FANCB: variants seen among roughly 807,000 people sequenced by gnomAD.
The protein encoded by FANCB is Fanconi anemia group B protein.
FANCB carries 5 observed loss-of-function variants against 38.9 expected under a neutral mutation model. That is an observed-to-expected ratio of 0.13 (90% CI 0.07 to 0.27). The LOEUF is 0.27. Among genes scored for constraint, FANCB ranks in the 10% least tolerant of loss-of-function variants. The pLI is 1.00. For synonymous variants in FANCB, 236 were observed against 215.4 expected (o/e 1.10, Z -0.84); for missense variants, 573 against 602.7 (o/e 0.95, Z 0.52).
chrX:14,690,370 A>G, the FANCB span, among the ~76,000 whole-genome samples: 3 of 111,720 alleles, frequency 2.7e-5, no homozygotes, highest in African/African-American at 9.8e-5. Context: ...GAATGTCTAA[A>G]TTGAGCTACT....
the FANCB span, among the ~76,000 whole-genome samples, chrX:14,804,514 T>C: frequency 9.0e-6 from 1 of 111,018 alleles, no homozygotes; most frequent in African/African-American, 3.3e-5. Flanking sequence ...GGGATAGCAT[T>C]TGGAGATATA....
the FANCB span, among the ~76,000 whole-genome samples, chrX:14,747,748 G>T: frequency 8.9e-6 from 1 of 112,033 alleles, no homozygotes; most frequent in Non-Finnish European, 1.9e-5. Flanking sequence ...ATTTCGGTTG[G>T]TTTGGTACCA....
At chrX:14,739,569 T>C in the FANCB span, among the ~76,000 whole-genome samples, 1 of 112,319 alleles carries the variant, frequency 8.9e-6, no homozygotes, top group African/African-American at 3.2e-5. Flanking sequence ...TTGAAAATGC[T>C]TAAGAGAAAT....
At chrX:14,853,510 C>G (rs979833101) in intron 5 of FANCB, among the ~76,000 whole-genome samples, 3 of 111,842 alleles carry the variant, frequency 2.7e-5, no homozygotes, top group Non-Finnish European at 3.8e-5. Context: ...ACTCACCCCA[C>G]ACAAAATAAC....
At chrX:14,840,415 G>C (rs977007004), downstream of FANCB, among the ~76,000 whole-genome samples, 13 of 111,221 alleles carry the variant, frequency 1.2e-4, no homozygotes, top group African/African-American at 4.3e-4. Flanking sequence ...GTCCACCCCA[G>C]ACCAATAACA....
At chrX:14,694,230 T>C in the FANCB span, among the ~76,000 whole-genome samples, 133 of 111,971 alleles carry the variant, frequency 1.2e-3, no homozygotes, top group Middle Eastern at 4.7e-3. Flanking sequence ...TATAGATTAC[T>C]TGAAAATTTA....
At chrX:14,718,366 T>G in the FANCB span, among the ~76,000 whole-genome samples, 2 of 112,262 alleles carry the variant, frequency 1.8e-5, no homozygotes, top group Non-Finnish European at 3.8e-5. Context: ...TTATCTTACT[T>G]TATGGCAGGA....
At chrX:14,862,887 C>T (rs1391468960) in intron 3 of FANCB, among the ~76,000 whole-genome samples, 2 of 111,763 alleles carry the variant, frequency 1.8e-5, no homozygotes, top group Admixed American at 1.9e-4. Flanking sequence ...TATTATATTA[C>T]CTTGACTACA....
At chrX:14,798,137 T>G in the FANCB span, among the ~76,000 whole-genome samples, 2 of 98,008 alleles carry the variant, frequency 2.0e-5, no homozygotes, top group Admixed American at 1.2e-4. Context: ...TTGTTTTTGT[T>G]TTTTTTTTGT....
At chrX:14,755,621 C>A in the FANCB span, among the ~76,000 whole-genome samples, 2 of 111,216 alleles carry the variant, frequency 1.8e-5, no homozygotes, top group Non-Finnish European at 3.8e-5. Context: ...ACAAGGAAAA[C>A]TATAAAATAT....
At chrX:14,753,410 C>T in the FANCB span, among the ~76,000 whole-genome samples, 379 of 112,439 alleles carry the variant, frequency 3.4e-3, 1 homozygote, top group African/African-American at 0.011. Context: ...CTAGGTTATA[C>T]GACTTATCTA....
the FANCB span, among the ~76,000 whole-genome samples, chrX:14,715,240 T>C: frequency 8.9e-6 from 1 of 112,460 alleles, no homozygotes; most frequent in Non-Finnish European, 1.9e-5. Context: ...GTTTCAAAAA[T>C]AGAAAACCTC....
chrX:14,796,689 T>TACACAC, the FANCB span, among the ~76,000 whole-genome samples: 2 of 59,524 alleles, frequency 3.4e-5, no homozygotes, highest in African/African-American at 9.3e-5. Flanking sequence ...CACACGTCTA[T>TACACAC]ATATACACAC....
the FANCB span, among the ~76,000 whole-genome samples, chrX:14,815,304 G>C: frequency 1.9e-5 from 2 of 104,885 alleles, no homozygotes; most frequent in Admixed American, 2.1e-4. Flanking sequence ...ATGTACCCTA[G>C]AACTTAAAGT....
chrX:14,835,103 C>A, downstream of FANCB: 1 of 544,209 alleles, frequency 1.8e-6, no homozygotes, highest in East Asian at 3.3e-5. Flanking sequence ...CCAGTGTTAA[C>A]TTTAATTGGA....
chrX:14,695,021 A>T, the FANCB span, among the ~76,000 whole-genome samples: 6 of 112,061 alleles, frequency 5.4e-5, no homozygotes, highest in Non-Finnish European at 1.1e-4. Flanking sequence ...ATCTCGATAG[A>T]GTTGGCAAGT....
At chrX:14,713,034 T>A in the FANCB span, among the ~76,000 whole-genome samples, 2 of 111,964 alleles carry the variant, frequency 1.8e-5, no homozygotes, top group African/African-American at 6.5e-5. Flanking sequence ...TGGTGCCAGA[T>A]AAACAACAGA....
chrX:14,816,677 G>C, the FANCB span, among the ~76,000 whole-genome samples: 1 of 112,203 alleles, frequency 8.9e-6, no homozygotes, highest in Admixed American at 9.4e-5. Context: ...AGTGTCTTCA[G>C]ACATTATCAA....
At chrX:14,770,674 T>C in the FANCB span, among the ~76,000 whole-genome samples, 5 of 111,847 alleles carry the variant, frequency 4.5e-5, no homozygotes, top group South Asian at 1.1e-3. Flanking sequence ...GATCCTGTCA[T>C]TGTGATGCTA....
Sources: gnomAD v4.1 joint callset for allele counts (sites outside exome capture counted in the v4.1 genomes callset) on GRCh38, gnomAD v4.1.1 for gene constraint, MANE v1.5 for transcripts, NCBI Gene and HGNC (gene_info 2026-07-23, HGNC 2026-07-21) for gene names.